BLTP1: variants seen among roughly 807,000 people sequenced by gnomAD.
BLTP1 encodes the protein fragile site-associated protein.
chr4:122,288,977 A>G, the BLTP1 span: 1 of 1,235,728 alleles, frequency 8.1e-7, no homozygotes, highest in Non-Finnish European at 1.1e-6. Context: ...TTGATTTCAA[A>G]TCATATAGAG....
At chr4:122,171,902 C>T in the BLTP1 span, 1 of 985,148 alleles carries the variant, frequency 1.0e-6, no homozygotes, top group Admixed American at 6.2e-5. Flanking sequence ...GACTACGATT[C>T]CTGGCTTGTT....
chr4:122,221,879 G>A, the BLTP1 span: 1 of 983,996 alleles, frequency 1.0e-6, no homozygotes, highest in Non-Finnish European at 1.2e-6. Flanking sequence ...TGAGTACCTG[G>A]TAGCCCTTCA....
At chr4:122,237,226 G>A in the BLTP1 span, 1 of 985,394 alleles carries the variant, frequency 1.0e-6, no homozygotes, top group Non-Finnish European at 1.2e-6. Flanking sequence ...TAGGAGGAGG[G>A]GGAAGTTGAG....
chr4:122,286,749 C>T, the BLTP1 span: 1 of 1,613,616 alleles, frequency 6.2e-7, no homozygotes, highest in African/African-American at 1.3e-5. Flanking sequence ...AACAAGGTTA[C>T]TATTTACAGG....
At chr4:122,200,028 A>C in the BLTP1 span, 1 of 976,360 alleles carries the variant, frequency 1.0e-6, no homozygotes, top group Non-Finnish European at 1.2e-6. Context: ...AAAAGCTGCT[A>C]TGTAAAATGG....
At chr4:122,239,488 A>C in the BLTP1 span, 1 of 1,477,328 alleles carries the variant, frequency 6.8e-7, no homozygotes, top group Non-Finnish European at 9.1e-7. Context: ...TGTATAGAAA[A>C]TGGTAATAGC....
the BLTP1 span, chr4:122,186,121 T>A: frequency 1.9e-6 from 3 of 1,612,692 alleles, no homozygotes; most frequent in Non-Finnish European, 2.5e-6. Flanking sequence ...ATGGACGCCT[T>A]CAAGAGTTGT....
chr4:122,189,030 T>G, the BLTP1 span: 7 of 983,562 alleles, frequency 7.1e-6, no homozygotes, highest in Non-Finnish European at 8.4e-6. Flanking sequence ...TTCTGGAATG[T>G]GGACTGTGCA....
At chr4:122,235,616 T>TAA in the BLTP1 span, 3 of 244,396 alleles carry the variant, frequency 1.2e-5, no homozygotes, top group African/African-American at 2.3e-5. Context: ...CCATCCTGGC[T>TAA]AACGTGGTGA....
the BLTP1 span, chr4:122,275,839 T>G: frequency 9.1e-7 from 1 of 1,097,032 alleles, no homozygotes; most frequent in Non-Finnish European, 1.2e-6. Context: ...AAATGGTACT[T>G]TAAAGGAACA....
chr4:122,163,699 A>T, the BLTP1 span, among the ~76,000 whole-genome samples: 1 of 152,212 alleles, frequency 6.6e-6, no homozygotes, highest in Non-Finnish European at 1.5e-5. Flanking sequence ...CACTTTACAC[A>T]TGAGGAAACA....
At chr4:122,323,169 T>C in the BLTP1 span, among the ~76,000 whole-genome samples, 1 of 152,138 alleles carries the variant, frequency 6.6e-6, no homozygotes, top group African/African-American at 2.4e-5. Flanking sequence ...TTTTTACTTG[T>C]GCATCTCTGT....
the BLTP1 span, chr4:122,243,850 A>G: frequency 3.3e-6 from 5 of 1,535,722 alleles, no homozygotes; most frequent in East Asian, 2.4e-5. Flanking sequence ...GTTAAATTGT[A>G]TAGTACGCCG....
chr4:122,213,917 T>C, the BLTP1 span, among the ~76,000 whole-genome samples: 68 of 152,296 alleles, frequency 4.5e-4, no homozygotes, highest in South Asian at 6.4e-3. Flanking sequence ...CTTATTTCAT[T>C]TTTTTGTTAA....
chr4:122,180,990 G>A, the BLTP1 span, among the ~76,000 whole-genome samples: 1 of 152,098 alleles, frequency 6.6e-6, no homozygotes, highest in African/African-American at 2.4e-5. Flanking sequence ...ATTTCTTGTG[G>A]TTAAGAAGAA....
At chr4:122,248,191 T>C in the BLTP1 span, 2 of 834,066 alleles carry the variant, frequency 2.4e-6, no homozygotes, top group South Asian at 5.5e-5. Context: ...TTTTCATGAC[T>C]ACCTAAGATC....
chr4:122,192,109 A>G, the BLTP1 span: 3 of 981,826 alleles, frequency 3.1e-6, no homozygotes, highest in South Asian at 2.5e-5. Context: ...TAGGTTCTCA[A>G]TAATTTTTAA....
the BLTP1 span, among the ~76,000 whole-genome samples, chr4:122,338,309 AAAAAT>A: frequency 2.6e-5 from 4 of 151,972 alleles, no homozygotes; most frequent in African/African-American, 9.7e-5. Context: ...TCTACCAAAA[AAAAAT>A]AAAATAAAAT....
At chr4:122,162,587 G>A in the BLTP1 span, 20 of 985,114 alleles carry the variant, frequency 2.0e-5, no homozygotes, top group Non-Finnish European at 2.2e-5. Flanking sequence ...GTCAAGCTGT[G>A]GTGACGAAAG....
Sources: allele counts gnomAD v4.1 joint callset (sites outside exome capture counted in the v4.1 genomes callset), GRCh38; gene constraint gnomAD v4.1.1; transcripts MANE v1.5; gene names NCBI Gene and HGNC (gene_info 2026-07-23, HGNC 2026-07-21).